MDM4: variants seen among roughly 807,000 people sequenced by gnomAD.
MDM4 encodes the protein protein Mdm4.
MDM4 carries 2 observed loss-of-function variants against 60.2 expected under a neutral mutation model. The ratio of observed to expected loss-of-function variants is 0.03; its 90% confidence interval spans 0.01 to 0.10. MDM4 has a LOEUF of 0.10. Among genes scored for constraint, MDM4 ranks in the 10% least tolerant of loss-of-function variants. The probability of loss-of-function intolerance (pLI) is 1.00; values close to 1 mark genes in which losing one functional copy is unlikely to be tolerated. For missense variants in MDM4, 447 were observed against 577.5 expected, an observed-to-expected ratio of 0.77 and a Z score of 2.32; for synonymous variants, 202 against 198.1, an observed-to-expected ratio of 1.02 and a Z score of -0.17.
chr1:204,526,318 A>G (rs2102320560), intron 2 of MDM4, 42 bp from the exon 3 acceptor site: 1 of 1,522,946 alleles, frequency 6.6e-7, no homozygotes, highest in Non-Finnish European at 9.1e-7. Context: ...TCAGAAACCT[A>G]CTTGAAATGT....
At chr1:204,546,709 A>G in intron 9 of MDM4, 88 bp from the exon 10 acceptor site, 2 of 812,976 alleles carry the variant, frequency 2.5e-6, no homozygotes, top group Non-Finnish European at 2.1e-6. Flanking sequence ...TGAGTTTTAA[A>G]TTGAAGCAGT....
chr1:204,524,553 C>T (rs1572455114), intron 1 of MDM4, among the ~76,000 whole-genome samples: 1 of 152,122 alleles, frequency 6.6e-6, no homozygotes, highest in Non-Finnish European at 1.5e-5. Context: ...CTGAGGTGGG[C>T]GGATCACGAG....
chr1:204,523,024 G>T (rs1297675484), intron 1 of MDM4, among the ~76,000 whole-genome samples: 1 of 151,590 alleles, frequency 6.6e-6, no homozygotes, highest in African/African-American at 2.4e-5. Flanking sequence ...CACCACGCTC[G>T]CCTAATTTTT....
In MDM4 at chr1:204,529,117, C is replaced by T. The variant is rs765999634; in HGVS notation, c.154-1567C>T. 1.7e-4 allele frequency: 215 copies of T among 1,234,186 alleles called. No homozygotes were observed. In the Middle Eastern group the frequency reaches 8.2e-3, roughly 47 times the overall value. 76.5% of individuals were successfully genotyped at this position (1,234,186 alleles called of 1,614,324 possible). A position where few individuals can be genotyped will look rare whatever the true frequency, so the allele number is the denominator to read the frequency against. On this transcript the variant is annotated intron_variant, in intron 3 of 10. Coordinates refer to ENST00000367182, the MANE Select transcript of MDM4 (RefSeq NM_002393.5). Reference sequence around the variant, plus strand: ...CTAATGGAGCCTGAGTTGTCCCAGTCATAACTGCTGGAAGAGCTGCTTCCA... The same window carrying T: ...CTAATGGAGCCTGAGTTGTCCCAGTTATAACTGCTGGAAGAGCTGCTTCCA...
intron 4 of MDM4, among the ~76,000 whole-genome samples, chr1:204,531,958 A>G (rs1428987665): frequency 6.6e-6 from 1 of 152,240 alleles, no homozygotes; most frequent in Non-Finnish European, 1.5e-5. Context: ...ATGAAATAAA[A>G]TGTAAATTAA....
At chr1:204,546,941 GT>G in intron 10 of MDM4, 64 bp downstream of exon 10, 1 of 1,021,704 alleles carries the variant, frequency 9.8e-7, no homozygotes, top group East Asian at 2.5e-5. Flanking sequence ...AATCCCAGCA[GT>G]TCACTTGTGT....
Position 204,551,738 on chromosome 1 carries a change from A to T in MDM4, c.*2056A>T, listed in dbSNP as rs536334550. The T allele has an allele frequency of 2.0e-4, 47 of 229,612 alleles. No homozygotes were observed. In the East Asian group the frequency reaches 2.9e-3, roughly 14 times the overall value. 14.2% of individuals were successfully genotyped at this position (229,612 alleles called of 1,614,324 possible). A position where few individuals can be genotyped will look rare whatever the true frequency, so the allele number is the denominator to read the frequency against. On this transcript the variant is annotated 3_prime_UTR_variant, in exon 11 of 11. Coordinates refer to ENST00000367182, the MANE Select transcript of MDM4 (RefSeq NM_002393.5). ...GTCAAACTTAAGGATCATAAAAATC[A>T]TGAGGGTTGCTTGTTAAAAATGTCC...
At chr1:204,528,130 A>G (rs936138179) in intron 3 of MDM4, among the ~76,000 whole-genome samples, 1 of 150,124 alleles carries the variant, frequency 6.7e-6, no homozygotes, top group African/African-American at 2.5e-5. Context: ...ATTTCACTGA[A>G]CTTTTGGCCC....
At chr1:204,519,698 C>T (rs940376493) in intron 1 of MDM4, among the ~76,000 whole-genome samples, 4 of 152,046 alleles carry the variant, frequency 2.6e-5, no homozygotes, top group Non-Finnish European at 5.9e-5. Context: ...CCTGTAGTCC[C>T]AGCTACTCCA....
intron 3 of MDM4, chr1:204,529,611 G>A: frequency 2.5e-6 from 3 of 1,189,386 alleles, no homozygotes; most frequent in South Asian, 1.6e-5. Context: ...ACTGGGGGGG[G>A]TCCAAGGTAG....
At position 204,555,926 on chromosome 1, in the gene MDM4, GTT is replaced by G. The variant is rs34656478; in HGVS notation, c.*6254_*6255del. 4.7e-3 allele frequency: 884 copies of G among 187,408 alleles called. 3 individuals are homozygous for G. The highest frequency in any genetic ancestry group is 7.4e-3 in the Non-Finnish European group (665 of 89,872). 11.6% of individuals were successfully genotyped at this position (187,408 alleles called of 1,614,324 possible). ...CCCTAATTTCTTATCTGAAGGCACTGTTTTTTTTTTTAAACAGTTAAGTACTG... is the reference window on the plus strand; with the variant it reads ...CCCTAATTTCTTATCTGAAGGCACTGTTTTTTTTTAAACAGTTAAGTACTG... On this transcript the variant is annotated 3_prime_UTR_variant, in exon 11 of 11. Transcript: ENST00000367182.
rs557173393 is a variant in MDM4 at position 204,550,130 on chromosome 1, G to GT, written c.*462dup. Reference sequence around the variant, plus strand: ...CAGCTATTTCATGGCTCTCACCCTAGTTTTTTTTTTTTTTGCACTTTTTTT... The same window carrying GT: ...CAGCTATTTCATGGCTCTCACCCTAGTTTTTTTTTTTTTTTGCACTTTTTTT... On this transcript the variant is annotated 3_prime_UTR_variant, in exon 11 of 11. Transcript: ENST00000367182. 0.4 allele frequency: 81,354 copies of GT among 204,336 alleles called. 11,484 individuals carry two copies. The highest frequency in any genetic ancestry group is 0.47 in the Non-Finnish European group (49,811 of 106,606). 12.7% of individuals were successfully genotyped at this position (204,336 alleles called of 1,614,324 possible).
Position 204,557,673 on chromosome 1 carries a change from ATT to A in MDM4, c.*7992_*7993del, listed in dbSNP as rs1663620738. 6 of 179,026 alleles carry A rather than the reference ATT, an allele frequency of 3.4e-5. No homozygotes were observed. Among genetic ancestry groups the A allele is most frequent in the Non-Finnish European group, 6.0e-5 (5 of 83,488 alleles). 11.1% of individuals were successfully genotyped at this position (179,026 alleles called of 1,614,324 possible). A position where few individuals can be genotyped will look rare whatever the true frequency, so the allele number is the denominator to read the frequency against. On this transcript the variant is annotated 3_prime_UTR_variant, in exon 11 of 11. Transcript: ENST00000367182. ...CGCCTTGGCCTCCCAAAGTACTGGG[ATT>A]ACAGGCGTGAGCAACTGCTCCTGGC... is the stretch of plus-strand genomic sequence containing the variant.
At chr1:204,532,500 T>C in intron 5 of MDM4, 1 of 554,974 alleles carries the variant, frequency 1.8e-6, no homozygotes, top group East Asian at 3.0e-5. Flanking sequence ...GACACACTTT[T>C]AAAAATCTCT....
intron 1 of MDM4, among the ~76,000 whole-genome samples, chr1:204,516,992 C>T (rs1659041866): frequency 1.3e-5 from 2 of 152,288 alleles, no homozygotes; most frequent in South Asian, 4.1e-4. Context: ...GTAATCCCAG[C>T]ACTTCAGGAG....
chr1:204,520,948 C>T (rs992569766), intron 1 of MDM4, among the ~76,000 whole-genome samples: 14 of 152,044 alleles, frequency 9.2e-5, no homozygotes, highest in African/African-American at 3.4e-4. Flanking sequence ...CAGCATATGT[C>T]TTGAATAAAA....
rs1663034681 is a variant in MDM4 at position 204,549,870 on chromosome 1, A to T, written c.*188A>T. ...AAGTAATCTGATTAGTCAAATTATT[A>T]AGTGCCATGGATTACTTTATGCAGC... On this transcript the variant is annotated 3_prime_UTR_variant, in exon 11 of 11. Transcript: ENST00000367182. The T allele has an allele frequency of 1.7e-5, 8 of 483,648 alleles. No individual in the cohort carries two copies. In the South Asian group the frequency reaches 3.3e-4, roughly 20 times the overall value. 30.0% of individuals were successfully genotyped at this position (483,648 alleles called of 1,614,324 possible). A position where few individuals can be genotyped will look rare whatever the true frequency, so the allele number is the denominator to read the frequency against.
In MDM4 at chr1:204,549,562, T is replaced by C. The variant is rs1342687277; in HGVS notation, c.1353T>C (p.His451=). 5 of 1,613,808 alleles carry C rather than the reference T, an allele frequency of 3.1e-6. No homozygotes were observed. Residue 451 remains histidine (H), a synonymous_variant, in exon 11 of 11, where the codon CAT becomes CAC. Transcript: ENST00000367182. The part of the protein sequence containing the change: ...EKRPRDGNII[H]GRTGHLVTCF... ...GACCACGAGACGGGAACATTATTCA[T>C]GGAAGGACGGGCCATCTTGTCACTT...
At position 204,556,025 on chromosome 1, in the gene MDM4, G is replaced by A; in HGVS notation, c.*6343G>A. On this transcript the variant is annotated 3_prime_UTR_variant, in exon 11 of 11. Transcript: ENST00000367182. ...TAGCAAATGTGGTTTCATAAAGTGG[G>A]AAGAAAACAGCATTTTAAAGTAACT... 4.7e-6 allele frequency: 1 copy of A among 213,744 alleles called. No homozygotes were observed. Among genetic ancestry groups the A allele is most frequent in the East Asian group, 7.1e-5 (1 of 14,116 alleles). 13.2% of individuals were successfully genotyped at this position (213,744 alleles called of 1,614,324 possible). A position where few individuals can be genotyped will look rare whatever the true frequency, so the allele number is the denominator to read the frequency against.
Sources: gnomAD v4.1 joint callset for allele counts (sites outside exome capture counted in the v4.1 genomes callset) on GRCh38, gnomAD v4.1.1 for gene constraint, MANE v1.5 for transcripts, NCBI Gene and HGNC (gene_info 2026-07-23, HGNC 2026-07-21) for gene names.